The following CHCHD2 variants were observed in gnomAD, a reference collection of about 807,000 sequenced individuals.
CHCHD2 encodes coiled-coil-helix-coiled-coil-helix domain-containing protein 2.
A neutral mutation model predicts 17.5 loss-of-function variants in CHCHD2; 17 were observed. The observed-to-expected ratio is 0.97, with a 90% confidence interval of 0.67 to 1.46. The LOEUF (loss-of-function observed/expected upper bound fraction) is 1.46. Ranked by LOEUF, CHCHD2 falls within the 40% of genes most tolerant of loss-of-function variation. The pLI is 0.00. For missense variants in CHCHD2, 175 were observed against 199.9 expected, an observed-to-expected ratio of 0.88 and a Z score of 0.75; for synonymous variants, 63 against 74.3, an observed-to-expected ratio of 0.85 and a Z score of 0.78.
In CHCHD2 at chr7:56,104,494, A is replaced by C; in HGVS notation, c.51-19T>G. On this transcript the variant is annotated intron_variant, in intron 1 of 3. Transcript: ENST00000395422. Reference sequence around the variant, plus strand: ...GGCCCGGCTGTGAAAGAAAAGAAAAAAACATCAAGTTCCCAATTCCAACCA... The same window carrying C: ...GGCCCGGCTGTGAAAGAAAAGAAAACAACATCAAGTTCCCAATTCCAACCA... 6.5e-7 allele frequency: 1 copy of C among 1,532,622 alleles called. No individual in the cohort carries two copies. The highest frequency in any genetic ancestry group is 1.2e-5 in the South Asian group (1 of 82,232). 94.9% of individuals were successfully genotyped at this position (1,532,622 alleles called of 1,614,324 possible). A position where few individuals can be genotyped will look rare whatever the true frequency, so the allele number is the denominator to read the frequency against.
At chr7:56,103,309 G>A (rs767936442) in intron 2 of CHCHD2, among the ~76,000 whole-genome samples, 2 of 152,034 alleles carry the variant, frequency 1.3e-5, no homozygotes, top group Non-Finnish European at 2.9e-5. Context: ...GTGAAACCCC[G>A]TCCCTACTAA....
chr7:56,104,113 C>T, intron 2 of CHCHD2, 113 bp downstream of exon 2: 5 of 1,402,938 alleles, frequency 3.6e-6, no homozygotes, highest in South Asian at 1.2e-5. Flanking sequence ...TGTCTATTAA[C>T]AGCACAGTGG....
At chr7:56,105,499 G>A (rs535628557) in intron 1 of CHCHD2, among the ~76,000 whole-genome samples, 3 of 152,186 alleles carry the variant, frequency 2.0e-5, no homozygotes, top group Non-Finnish European at 4.4e-5. Context: ...CATAGGCTGC[G>A]GAGTGGTGGC....
chr7:56,103,776 TTTCAAGCACACCGGAA>T (rs1232484109), intron 2 of CHCHD2, among the ~76,000 whole-genome samples: 1 of 152,104 alleles, frequency 6.6e-6, no homozygotes, highest in Non-Finnish European at 1.5e-5. Context: ...GATGGAGCAG[TTTCAAGCACACCGGAA>T]ATACAAGAGT....
chr7:56,106,445 T>A lies in CHCHD2; in HGVS notation c.-32A>T. 6.2e-7 allele frequency: 1 copy of A among 1,610,818 alleles called. No individual in the cohort carries two copies. Among genetic ancestry groups the A allele is most frequent in the Non-Finnish European group, 8.5e-7 (1 of 1,177,702 alleles). ...TAAGCGACGGCTAGGCCTCCGGACG[T>A]GGGACAACCACCGAAGAGCTAAGCG... On this transcript the variant is annotated 5_prime_UTR_variant, in exon 1 of 4. Transcript: ENST00000395422.
In CHCHD2 at chr7:56,101,878, TTAAG is replaced by T; in HGVS notation, c.446-21_446-18del. ...AGGCCAATCCTGCAAACAGAAAAGATTAAGTTAGAAGAATGCTAGCTTCGTATAC... is the reference window on the plus strand; with the variant it reads ...AGGCCAATCCTGCAAACAGAAAAGATTTAGAAGAATGCTAGCTTCGTATAC... On this transcript the variant is annotated intron_variant, in intron 3 of 3. Coordinates refer to ENST00000395422, the MANE Select transcript of CHCHD2 (RefSeq NM_016139.4). 6.2e-7 allele frequency: 1 copy of T among 1,612,690 alleles called. No individual in the cohort carries two copies. Among genetic ancestry groups the T allele is most frequent in the East Asian group, 2.2e-5 (1 of 44,868 alleles).
intron 2 of CHCHD2, among the ~76,000 whole-genome samples, chr7:56,103,569 T>C (rs1785324613): frequency 1.3e-5 from 2 of 152,200 alleles, no homozygotes; most frequent in East Asian, 1.9e-4. Flanking sequence ...GCTGGGATTA[T>C]AGGCATGAGC....
At chr7:56,106,232 C>A in intron 1 of CHCHD2, 132 bp downstream of exon 1, 1 of 742,126 alleles carries the variant, frequency 1.3e-6, no homozygotes, top group Non-Finnish European at 2.2e-6. Flanking sequence ...TTCAATCTAC[C>A]CCCGCCTGGC....
At chr7:56,102,360 T>TC (rs1335143544) in intron 3 of CHCHD2, among the ~76,000 whole-genome samples, 2 of 151,696 alleles carry the variant, frequency 1.3e-5, no homozygotes, top group Non-Finnish European at 2.9e-5. Flanking sequence ...TTTTTTTTTT[T>TC]TTCTTTTAAA....
rs200226056 is a variant in CHCHD2 at position 56,106,424 on chromosome 7, C to T, written c.-11G>A. On this transcript the variant is annotated 5_prime_UTR_variant, in exon 1 of 4. Transcript: ENST00000395422. Reference sequence around the variant, plus strand: ...GCTTCCACGCGGCATCCTAGGTAAGCGACGGCTAGGCCTCCGGACGTGGGA... The same window carrying T: ...GCTTCCACGCGGCATCCTAGGTAAGTGACGGCTAGGCCTCCGGACGTGGGA... The T allele has an allele frequency of 1.2e-4, 201 of 1,613,190 alleles. No homozygotes were observed. The East Asian group carries it at 4.2e-3, about 34-fold the overall frequency.
intron 1 of CHCHD2, among the ~76,000 whole-genome samples, chr7:56,105,496 T>C (rs1232197131): frequency 6.6e-6 from 1 of 152,192 alleles, no homozygotes; most frequent in Admixed American, 6.5e-5. Flanking sequence ...TAACATAGGC[T>C]GCGGAGTGGT....
chr7:56,105,870 T>C (rs1355185810), intron 1 of CHCHD2, among the ~76,000 whole-genome samples: 2 of 152,180 alleles, frequency 1.3e-5, no homozygotes, highest in Non-Finnish European at 1.5e-5. Context: ...TTTTACACAT[T>C]ACAAAACAAG....
intron 1 of CHCHD2, among the ~76,000 whole-genome samples, 191 bp from the exon 2 acceptor site, chr7:56,104,666 GGTGCAATCTCA>G (rs1326642779): frequency 6.6e-6 from 1 of 150,546 alleles, no homozygotes; most frequent in Non-Finnish European, 1.5e-5. Flanking sequence ...GGAGTGCAAT[GGTGCAATCTCA>G]GCTCACTGCA....
chr7:56,103,696 A>G (rs1259198165), intron 2 of CHCHD2, among the ~76,000 whole-genome samples: 1 of 152,256 alleles, frequency 6.6e-6, no homozygotes, highest in South Asian at 2.1e-4. Flanking sequence ...TGGAATTATT[A>G]TCTTGTTATC....
rs780978505 is a variant in CHCHD2 at position 56,104,247 on chromosome 7, C to T, written c.279G>A (p.Ala93=). ...CCACCTGGTAAGTGATGTCAGGCCT[C>T]GCAGGCTCAGCATTACTTCCTCCAC... The part of the protein sequence containing the change: ...GFSGGSNAEP[A]RPDITYQEPQ... Residue 93 remains alanine (A), a synonymous_variant, in exon 2 of 4, where the codon GCG becomes GCA. Transcript: ENST00000395422. 19 of 1,613,408 alleles carry T rather than the reference C, an allele frequency of 1.2e-5. 1 individual carries two copies. The highest frequency in any genetic ancestry group is 6.7e-5 in the Admixed American group (4 of 60,006).
At chr7:56,104,725 A>T (rs1785352857) in intron 1 of CHCHD2, among the ~76,000 whole-genome samples, 1 of 151,208 alleles carries the variant, frequency 6.6e-6, no homozygotes, top group South Asian at 2.1e-4. Context: ...CTCTTGCCTC[A>T]GCCTTCCGAG....
intron 1 of CHCHD2, 45 bp from the exon 2 acceptor site, chr7:56,104,520 GT>G: frequency 6.8e-7 from 1 of 1,475,824 alleles, no homozygotes; most frequent in Non-Finnish European, 9.0e-7. Flanking sequence ...ATTCCAACCA[GT>G]TTTGGAAATT....
intron 3 of CHCHD2, among the ~76,000 whole-genome samples, chr7:56,102,286 A>G (rs1484890432): frequency 1.3e-5 from 2 of 152,024 alleles, no homozygotes; most frequent in African/African-American, 4.8e-5. Flanking sequence ...CGCAGCCTTA[A>G]GGTTAGAAGG....
At chr7:56,105,976 C>A (rs1785375762) in intron 1 of CHCHD2, among the ~76,000 whole-genome samples, 1 of 152,174 alleles carries the variant, frequency 6.6e-6, no homozygotes. Flanking sequence ...AATTTCGAGA[C>A]CCCTTCTCAA....
Sources: gnomAD v4.1 joint callset for allele counts (sites outside exome capture counted in the v4.1 genomes callset) on GRCh38, gnomAD v4.1.1 for gene constraint, MANE v1.5 for transcripts, NCBI Gene and HGNC (gene_info 2026-07-23, HGNC 2026-07-21) for gene names.